The following AK8 variants were observed in gnomAD, a reference collection of about 807,000 sequenced individuals.
AK8 encodes the protein ATP-AMP transphosphorylase 8.
Under a neutral mutation model 54.6 loss-of-function variants are expected in AK8, and 44 were observed. The ratio of observed to expected loss-of-function variants is 0.81; its 90% CI spans 0.63 to 1.04. The LOEUF is 1.04. AK8 is among the 50% of genes least tolerant of loss of function. The pLI is 0.00. For missense variants in AK8, 555 were observed against 613.6 expected (o/e 0.90, Z 1.01); for synonymous variants, 239 against 245.6 (o/e 0.97, Z 0.25).
chr9:132,734,395 G>A (rs902452155), intron 11 of AK8, among the ~76,000 whole-genome samples: 15 of 152,192 alleles, frequency 9.9e-5, no homozygotes, highest in East Asian at 7.7e-4. Context: ...CACCACTCCC[G>A]GAGATTCTGG....
At chr9:132,777,332 C>T (rs764117810) in intron 11 of AK8, among the ~76,000 whole-genome samples, 8 of 152,162 alleles carry the variant, frequency 5.3e-5, no homozygotes, top group Non-Finnish European at 1.0e-4. Context: ...ATCCTCTCAC[C>T]TGATGCCCCA....
In AK8 at chr9:132,826,212, C is replaced by T. The variant is rs1195747164; in HGVS notation, c.757+642G>A. On this transcript the variant is annotated intron_variant, in intron 8 of 12. Coordinates refer to ENST00000298545, the MANE Select transcript of AK8 (RefSeq NM_152572.3). The surrounding 1 kb of genome is among the most constrained non-coding windows in gnomAD (Gnocchi z 4.5). The stretch of plus-strand genomic sequence containing the variant: ...TTTTAGCGATGCCAAAACTAGGGCT[C>T]CGAGGAGTTAGGAGAAGTGCCAGAG... Among the ~76,000 whole-genome samples the T allele has an allele frequency of 1.3e-5, 2 of 152,110 alleles. No homozygotes were observed. The highest frequency in any genetic ancestry group is 4.8e-5 in the African/African-American group (2 of 41,418).
At chr9:132,746,104 G>A (rs1379274091) in intron 11 of AK8, among the ~76,000 whole-genome samples, 1 of 152,136 alleles carries the variant, frequency 6.6e-6, no homozygotes, top group Non-Finnish European at 1.5e-5. Flanking sequence ...ACTCTGTGGG[G>A]AGCAGGGTGA....
chr9:132,738,812 T>G (rs13288921), intron 11 of AK8, among the ~76,000 whole-genome samples: 1 of 148,574 alleles, frequency 6.7e-6, no homozygotes, highest in East Asian at 2.0e-4. Flanking sequence ...TGGAGTGCAG[T>G]GGAGCCATCA....
chr9:132,854,553 T>C (rs1843101570), intron 5 of AK8, among the ~76,000 whole-genome samples: 1 of 152,232 alleles, frequency 6.6e-6, no homozygotes, highest in South Asian at 2.1e-4. Context: ...TCACCATCAC[T>C]TGTCGGTTGC....
Position 132,730,358 on chromosome 9 carries a change from C to T in AK8, c.1122-2824G>A, listed in dbSNP as rs184714498. The stretch of plus-strand genomic sequence containing the variant: ...AATAACAGCACGTGCCCAGGAAATG[C>T]GTGTGAAGGAATGAAGAAATGAACC... On this transcript the variant is annotated intron_variant, in intron 11 of 12. Transcript: ENST00000298545. Among the ~76,000 whole-genome samples, 402 of 151,620 alleles carry T rather than the reference C, an allele frequency of 2.7e-3. 2 individuals carry two copies. The highest frequency in any genetic ancestry group is 4.5e-3 in the Non-Finnish European group (306 of 67,972).
chr9:132,815,187 C>T (rs1476342716), intron 9 of AK8, among the ~76,000 whole-genome samples: 1 of 152,212 alleles, frequency 6.6e-6, no homozygotes, highest in African/African-American at 2.4e-5. Context: ...CAGTGTGTTG[C>T]TTCCACAGCC....
chr9:132,808,836 C>T (rs1465775035), intron 10 of AK8, among the ~76,000 whole-genome samples: 2 of 152,118 alleles, frequency 1.3e-5, no homozygotes, highest in African/African-American at 4.8e-5. Flanking sequence ...GGCCAGCAGC[C>T]GGGAGCACAG....
chr9:132,877,771 T>C (rs1392992187), intron 1 of AK8: 1 of 466,824 alleles, frequency 2.1e-6, no homozygotes, highest in Non-Finnish European at 4.3e-6. Context: ...GCCGAGAGGC[T>C]CCCCACAAAT....
chr9:132,789,084 A>G (rs1271736928), intron 11 of AK8, among the ~76,000 whole-genome samples: 2 of 151,902 alleles, frequency 1.3e-5, no homozygotes, highest in Admixed American at 1.3e-4. Flanking sequence ...TCACAAAGTC[A>G]GGAGATCGAG....
At chr9:132,777,983 G>A (rs1315545456) in intron 11 of AK8, among the ~76,000 whole-genome samples, 3 of 152,200 alleles carry the variant, frequency 2.0e-5, no homozygotes, top group Admixed American at 6.5e-5. Context: ...CCTCTGTCTC[G>A]AGGTGCGAAG....
intron 10 of AK8, among the ~76,000 whole-genome samples, chr9:132,808,270 G>A (rs1840818043): frequency 6.6e-6 from 1 of 152,170 alleles, no homozygotes; most frequent in South Asian, 2.1e-4. Flanking sequence ...AGAACTCCAC[G>A]TGCGGAGCCC....
At chr9:132,795,054 G>A (rs937546486) in intron 10 of AK8, among the ~76,000 whole-genome samples, 2 of 152,220 alleles carry the variant, frequency 1.3e-5, no homozygotes, top group African/African-American at 4.8e-5. Flanking sequence ...GTCAGGGCGT[G>A]CCAGCAAAGA....
intron 5 of AK8, among the ~76,000 whole-genome samples, chr9:132,832,883 AGGT>A (rs1842162784): frequency 6.6e-6 from 1 of 152,214 alleles, no homozygotes; most frequent in Non-Finnish European, 1.5e-5. Flanking sequence ...AAAAGGAAGA[AGGT>A]GGGGGGCTCT....
chr9:132,815,606 GC>G (rs1374449938), intron 9 of AK8, among the ~76,000 whole-genome samples: 1 of 152,170 alleles, frequency 6.6e-6, no homozygotes, highest in Non-Finnish European at 1.5e-5. Flanking sequence ...CAGTCACCTG[GC>G]CAGTGGCGGC....
At chr9:132,815,174 G>T (rs569931851) in intron 9 of AK8, among the ~76,000 whole-genome samples, 4 of 152,346 alleles carry the variant, frequency 2.6e-5, no homozygotes, top group African/African-American at 9.6e-5. Context: ...AGCAGAGGGG[G>T]TGCAGTGTGT....
intron 7 of AK8, 133 bp downstream of exon 7, chr9:132,827,880 C>T (rs2131306034): frequency 1.2e-6 from 1 of 835,746 alleles, no homozygotes. Context: ...CAGAGCCCAG[C>T]CTGTGGCAGC....
chr9:132,730,286 C>T (rs999894310), intron 11 of AK8, among the ~76,000 whole-genome samples: 1 of 152,132 alleles, frequency 6.6e-6, no homozygotes, highest in Admixed American at 6.5e-5. Context: ...TCCCATGGGG[C>T]CCAGACCAGC....
intron 11 of AK8, among the ~76,000 whole-genome samples, chr9:132,776,411 A>G (rs1485859297): frequency 6.6e-6 from 1 of 152,248 alleles, no homozygotes; most frequent in African/African-American, 2.4e-5. Flanking sequence ...ACAACAAAGC[A>G]CGAGGCCTGC....
Sources: gnomAD v4.1 joint callset for allele counts (sites outside exome capture counted in the v4.1 genomes callset) on GRCh38, gnomAD v4.1.1 for gene constraint, Gnocchi (gnomAD v3.1) non-coding constraint, MANE v1.5 for transcripts, NCBI Gene and HGNC (gene_info 2026-07-23, HGNC 2026-07-21) for gene names.